Variants in NRK observed in about 807,000 individuals in gnomAD.
NRK encodes nik-related protein kinase.
A neutral mutation model predicts 125.2 loss-of-function variants in NRK; 67 were observed. The observed-to-expected ratio is 0.54, with a 90% CI of 0.44 to 0.66. NRK has a LOEUF of 0.66. NRK is among the 30% of genes least tolerant of loss of function. NRK has a pLI of 0.00. For synonymous variants in NRK, 458 were observed against 429.0 expected, an observed-to-expected ratio of 1.07 and a Z score of -0.84; for missense variants, 1,224 against 1,192.9, an observed-to-expected ratio of 1.03 and a Z score of -0.38.
intron 4 of NRK, among the ~76,000 whole-genome samples, chrX:105,887,645 A>T (rs896176973): frequency 8.9e-6 from 1 of 112,428 alleles, no homozygotes; most frequent in Non-Finnish European, 1.9e-5. Flanking sequence ...ACCAAAAGCA[A>T]TGAAACATTG....
At chrX:105,875,926 G>A (rs1013971264) in intron 2 of NRK, among the ~76,000 whole-genome samples, 2 of 110,979 alleles carry the variant, frequency 1.8e-5, no homozygotes, top group Non-Finnish European at 3.8e-5. Context: ...GCTCTGTGAT[G>A]CTTGAAAATT....
chrX:105,826,925 G>A (rs1488578151), intron 1 of NRK, among the ~76,000 whole-genome samples: 1 of 111,489 alleles, frequency 9.0e-6, no homozygotes, highest in Non-Finnish European at 1.9e-5. Context: ...TAGAGCAATG[G>A]TTTTCATATG....
chrX:105,853,268 G>A (rs1178356371), intron 2 of NRK, among the ~76,000 whole-genome samples: 3 of 112,013 alleles, frequency 2.7e-5, no homozygotes, highest in Non-Finnish European at 1.9e-5. Flanking sequence ...CCAAGTAGGA[G>A]TACTGGTTGG....
At chrX:105,899,972 A>G (rs189737536) in intron 8 of NRK, among the ~76,000 whole-genome samples, 6 of 110,458 alleles carry the variant, frequency 5.4e-5, no homozygotes, top group African/African-American at 2.0e-4. Flanking sequence ...TGTCTCAAGG[A>G]AGAAAAAAAA....
chrX:105,905,170 A>G, intron 9 of NRK, 95 bp from the exon 10 acceptor site: 1 of 598,858 alleles, frequency 1.7e-6, no homozygotes, highest in Non-Finnish European at 2.8e-6. Flanking sequence ...TCAACATAAT[A>G]TGTGAAAGAT....
rs1334691345 is a variant in NRK at position 105,956,846 on chromosome X, G to A, written c.*1246G>A. On this transcript the variant is annotated 3_prime_UTR_variant, in exon 29 of 29. Coordinates refer to ENST00000243300, the MANE Select transcript of NRK (RefSeq NM_198465.4). The stretch of plus-strand genomic sequence containing the variant: ...TATGGTAACTGCTACCTGATGAAGA[G>A]CATAATTTCTGCATATCCATCCTCA... The A allele has an allele frequency of 2.7e-5, 3 of 111,831 alleles. No homozygotes were observed. The highest frequency in any genetic ancestry group is 9.5e-5 in the Admixed American group (1 of 10,483). 9.2% of individuals were successfully genotyped at this position (111,831 alleles called of 1,213,427 possible).
intron 9 of NRK, among the ~76,000 whole-genome samples, chrX:105,902,623 G>T (rs952084432): frequency 8.9e-6 from 1 of 112,025 alleles, no homozygotes; most frequent in African/African-American, 3.2e-5. Context: ...ATGGGGCATA[G>T]GTTCCCAAAC....
At position 105,881,696 on chromosome X, in the gene NRK, T is replaced by A; in HGVS notation, c.181-12T>A. On this transcript the variant is annotated splice_polypyrimidine_tract_variant and intron_variant, in intron 3 of 28. Transcript: ENST00000243300. ...ACCAGTACATCTAATAACATTTTAT[T>A]CTTGGTTACAGACCCCTTTACCTGA... 9.4e-7 allele frequency: 1 copy of A among 1,067,494 alleles called. No individual in the cohort carries two copies. The highest frequency in any genetic ancestry group is 3.3e-5 in the East Asian group (1 of 30,600). The allele number at this position is 1,067,494 out of a possible 1,213,427, so 88.0% of individuals were successfully genotyped here.
At chrX:105,931,818 T>C (rs2147779835) in intron 19 of NRK, among the ~76,000 whole-genome samples, 1 of 111,975 alleles carries the variant, frequency 8.9e-6, no homozygotes, top group Non-Finnish European at 1.9e-5. Flanking sequence ...GAACCGATTA[T>C]TTTTTTCTGA....
Position 105,895,363 on chromosome X carries a change from CAGAAAGAAAGAA to C in NRK, c.490-48_490-37del, listed in dbSNP as rs111844831. The C allele has an allele frequency of 3.8e-3, 2,944 of 776,575 alleles. 44 individuals are homozygous for C. The African/African-American group carries it at 0.056, about 15-fold the overall frequency. 64.0% of individuals were successfully genotyped at this position (776,575 alleles called of 1,213,427 possible). On this transcript the variant is annotated intron_variant, in intron 6 of 28. Transcript: ENST00000243300. ...TTTCCAAAAATACTAAGAACTGTAC[CAGAAAGAAAGAA>C]AGAAAGAAAGAAAGAAAGAAATATA...
intron 4 of NRK, among the ~76,000 whole-genome samples, chrX:105,884,589 A>G (rs2039919619): frequency 9.0e-6 from 1 of 111,730 alleles, no homozygotes; most frequent in Admixed American, 9.5e-5. Context: ...TTACCAATTC[A>G]TTTCAGCTAA....
chrX:105,873,852 C>G (rs763455200), intron 2 of NRK, among the ~76,000 whole-genome samples: 9 of 111,527 alleles, frequency 8.1e-5, no homozygotes, highest in Non-Finnish European at 1.3e-4. Flanking sequence ...ATTCACTAAA[C>G]TAGTACTCAT....
intron 19 of NRK, among the ~76,000 whole-genome samples, chrX:105,933,354 G>A (rs2040621193): frequency 8.9e-6 from 1 of 111,980 alleles, no homozygotes; most frequent in South Asian, 3.7e-4. Context: ...AAAAGGACGT[G>A]ATGTCATACC....
intron 2 of NRK, among the ~76,000 whole-genome samples, chrX:105,867,091 C>A (rs1489246383): frequency 9.0e-6 from 1 of 111,311 alleles, no homozygotes; most frequent in Non-Finnish European, 1.9e-5. Flanking sequence ...ATACTAGGTT[C>A]TCTAAGGTTC....
intron 26 of NRK, chrX:105,948,662 T>G (rs756028588): frequency 2.0e-6 from 1 of 508,289 alleles, no homozygotes. Context: ...AGGGAACGCA[T>G]TAAAATTGCT....
At chrX:105,826,307 G>T (rs1190222967) in intron 1 of NRK, among the ~76,000 whole-genome samples, 15 of 78,152 alleles carry the variant, frequency 1.9e-4, no homozygotes, top group South Asian at 1.2e-3. Context: ...ATATATAATA[G>T]ATAATATATA....
Position 105,909,656 on chromosome X carries a change from A to G in NRK, c.2015A>G (p.Asn672Ser), listed in dbSNP as rs1175301627. 3 of 1,197,982 alleles carry G rather than the reference A, an allele frequency of 2.5e-6. No homozygotes were observed. Among genetic ancestry groups the G allele is most frequent in the Non-Finnish European group, 3.4e-6 (3 of 888,244 alleles). ...ACCCTGATGGAAAATCTGTCATCAA[A>G]TAGGTTTTACTCACAACCAGAACAG... is the stretch of plus-strand genomic sequence containing the variant. ...LQTLMENLSSNRFYSQPEQAR... is the reference protein window; with the variant it reads ...LQTLMENLSSSRFYSQPEQAR... Residue 672 changes from asparagine (N) to serine (S), a missense_variant, in exon 13 of 29, where the codon AAT (asparagine) becomes AGT (serine). Transcript: ENST00000243300.
intron 26 of NRK, among the ~76,000 whole-genome samples, chrX:105,948,195 C>T (rs1050111583): frequency 9.9e-5 from 11 of 111,027 alleles, no homozygotes; most frequent in Non-Finnish European, 2.1e-4. Context: ...TGTTGACCCG[C>T]GTGTTTCACA....
At chrX:105,900,545 C>T in intron 8 of NRK, 73 bp from the exon 9 acceptor site, 2 of 673,154 alleles carry the variant, frequency 3.0e-6, no homozygotes, top group Non-Finnish European at 4.7e-6. Flanking sequence ...CCCAGCTAAA[C>T]ATTGTTTTGA....
Sources: gnomAD v4.1 joint callset for allele counts (sites outside exome capture counted in the v4.1 genomes callset) on GRCh38, gnomAD v4.1.1 for gene constraint, MANE v1.5 for transcripts, NCBI Gene and HGNC (gene_info 2026-07-23, HGNC 2026-07-21) for gene names.